The following ANKRD44 variants were observed in gnomAD, a reference collection of about 807,000 sequenced individuals.
ANKRD44 encodes ankyrin repeat domain 44.
In ANKRD44, 35 loss-of-function variants were observed where a neutral mutation model predicts 116.0. The observed-to-expected ratio is 0.30, with a 90% CI of 0.23 to 0.40. The LOEUF is 0.40. Among genes scored for constraint, ANKRD44 ranks in the 10% least tolerant of loss-of-function variants. The pLI is 1.00. For missense variants in ANKRD44, 1,014 were observed against 1,242.6 expected (o/e 0.82, Z 2.77); for synonymous variants, 435 against 461.8 (o/e 0.94, Z 0.74).
intron 3 of ANKRD44, among the ~76,000 whole-genome samples, chr2:197,140,136 G>A (rs2079325003): frequency 6.7e-6 from 1 of 149,770 alleles, no homozygotes; most frequent in Non-Finnish European, 1.5e-5. Context: ...CCTGCCTCAG[G>A]TGCAAGTATT....
chr2:196,989,543 C>T lies in ANKRD44; in HGVS notation c.*48G>A, dbSNP rs774308266. 80 of 1,540,030 alleles carry T rather than the reference C, an allele frequency of 5.2e-5. No individual in the cohort carries two copies. Among genetic ancestry groups the T allele is most frequent in the Middle Eastern group, 1.7e-4 (1 of 5,906 alleles). On this transcript the variant is annotated 3_prime_UTR_variant, in exon 28 of 28. Transcript: ENST00000282272. ...ACACACATATATATATATATACACA[C>T]GCACACATATATGTGTGCATGTGTA... is the stretch of plus-strand genomic sequence containing the variant.
At chr2:197,076,856 T>C (rs947672650) in intron 16 of ANKRD44, among the ~76,000 whole-genome samples, 1 of 152,250 alleles carries the variant, frequency 6.6e-6, no homozygotes, top group African/African-American at 2.4e-5. Context: ...TATGGCTGCA[T>C]AGTATTCCAT....
chr2:197,191,339 T>G lies in ANKRD44; in HGVS notation c.28-4233A>C, dbSNP rs1559137227. Among the ~76,000 whole-genome samples the G allele has an allele frequency of 2.0e-5, 3 of 152,280 alleles. No homozygotes were observed. The South Asian group carries it at 6.2e-4, about 32-fold the overall frequency. ...GACGGCTGCCTTCTAGAGGTGAATG[T>G]CTGCCAAGCTGATGACACTTGACCC... is the stretch of plus-strand genomic sequence containing the variant. On this transcript the variant is annotated intron_variant, in intron 1 of 27. Coordinates refer to ENST00000282272, the MANE Select transcript of ANKRD44 (RefSeq NM_001195144.2).
At chr2:197,025,367 A>G (rs1044789600) in intron 16 of ANKRD44, 100 bp from the exon 17 acceptor site, 1 of 787,742 alleles carries the variant, frequency 1.3e-6, no homozygotes, top group African/African-American at 1.7e-5. Context: ...AAGTTATGCA[A>G]TTTATCAGTA....
At chr2:197,290,657 C>T (rs1323676244) in intron 1 of ANKRD44, among the ~76,000 whole-genome samples, 1 of 152,136 alleles carries the variant, frequency 6.6e-6, no homozygotes, top group Non-Finnish European at 1.5e-5. Context: ...TGTATTATTA[C>T]TAATTTATCA....
intron 1 of ANKRD44, among the ~76,000 whole-genome samples, chr2:197,219,841 T>C (rs1192671782): frequency 1.3e-5 from 2 of 152,104 alleles, no homozygotes; most frequent in Non-Finnish European, 2.9e-5. Context: ...CAGAGAAAAT[T>C]AGAATTGTGC....
chr2:197,139,798 G>A (rs1446899965), intron 3 of ANKRD44, among the ~76,000 whole-genome samples: 1 of 149,932 alleles, frequency 6.7e-6, no homozygotes, highest in African/African-American at 2.5e-5. Context: ...TGCATTTGAA[G>A]TTTTATGTTT....
At chr2:197,118,075 T>A (rs1217906573) in intron 8 of ANKRD44, among the ~76,000 whole-genome samples, 2 of 151,304 alleles carry the variant, frequency 1.3e-5, no homozygotes, top group Admixed American at 1.3e-4. Flanking sequence ...TAGCAGGGCG[T>A]GGTGGCGTAC....
At chr2:197,309,743 T>C (rs2084185647) in intron 1 of ANKRD44, among the ~76,000 whole-genome samples, 1 of 152,112 alleles carries the variant, frequency 6.6e-6, no homozygotes, top group Non-Finnish European at 1.5e-5. Flanking sequence ...TGCAACTTGG[T>C]TTGGTGCCTG....
intron 1 of ANKRD44, among the ~76,000 whole-genome samples, chr2:197,214,638 A>G (rs529021686): frequency 2.0e-5 from 3 of 152,334 alleles, no homozygotes; most frequent in Non-Finnish European, 4.4e-5. Context: ...TATCACTGAT[A>G]TAGTTGGGAA....
At chr2:197,266,573 C>T (rs1198142417) in intron 1 of ANKRD44, among the ~76,000 whole-genome samples, 1 of 150,824 alleles carries the variant, frequency 6.6e-6, no homozygotes, top group African/African-American at 2.4e-5. Flanking sequence ...GAATGACAGT[C>T]CCTAACCAAA....
chr2:197,063,393 C>G (rs950528531), intron 16 of ANKRD44, among the ~76,000 whole-genome samples: 7 of 152,126 alleles, frequency 4.6e-5, no homozygotes, highest in Non-Finnish European at 1.0e-4. Context: ...AAAATCAGAG[C>G]GTCTCTCCCC....
At chr2:197,240,701 T>TA (rs1014398594) in intron 1 of ANKRD44, among the ~76,000 whole-genome samples, 2 of 149,238 alleles carry the variant, frequency 1.3e-5, no homozygotes, top group African/African-American at 5.0e-5. Context: ...GTTTTTTTTT[T>TA]ATTAGCCACA....
intron 3 of ANKRD44, among the ~76,000 whole-genome samples, chr2:197,138,673 T>C (rs761366379): frequency 4.6e-5 from 7 of 152,208 alleles, no homozygotes; most frequent in Non-Finnish European, 7.3e-5. Context: ...TAAATAAATA[T>C]ATGTATGACC....
downstream of ANKRD44, among the ~76,000 whole-genome samples, chr2:196,985,133 A>T (rs923255252): frequency 6.6e-6 from 1 of 152,202 alleles, no homozygotes; most frequent in Non-Finnish European, 1.5e-5. Flanking sequence ...GACGGCAGCC[A>T]ACAGCCATCA....
chr2:196,973,418 A>G (rs2075729645), intron 21 of ANKRD44, among the ~76,000 whole-genome samples: 1 of 152,110 alleles, frequency 6.6e-6, no homozygotes, highest in African/African-American at 2.4e-5. Flanking sequence ...TGATATTACC[A>G]TCCAAAATTT....
chr2:197,096,054 T>G (rs1363062415), intron 10 of ANKRD44, among the ~76,000 whole-genome samples: 1 of 152,222 alleles, frequency 6.6e-6, no homozygotes, highest in Non-Finnish European at 1.5e-5. Flanking sequence ...CTAGTCATCC[T>G]TCAGTCTTGG....
chr2:197,140,121 A>C (rs1025921807), intron 3 of ANKRD44, among the ~76,000 whole-genome samples: 4 of 136,366 alleles, frequency 2.9e-5, no homozygotes, highest in Non-Finnish European at 6.2e-5. Flanking sequence ...ACCTCAGGTG[A>C]TCTACCTGCC....
chr2:196,990,633 C>T, intron 27 of ANKRD44: 1 of 1,231,924 alleles, frequency 8.1e-7, no homozygotes, highest in South Asian at 4.1e-5. Flanking sequence ...AGCTTCTTTC[C>T]TTTCCTCCAA....
Sources: gnomAD v4.1 joint callset for allele counts (sites outside exome capture counted in the v4.1 genomes callset) on GRCh38, gnomAD v4.1.1 for gene constraint, MANE v1.5 for transcripts, NCBI Gene and HGNC (gene_info 2026-07-23, HGNC 2026-07-21) for gene names.